SETD2: variants seen among roughly 807,000 people sequenced by gnomAD.
The protein encoded by SETD2 is SET domain containing 2, histone lysine methyltransferase, also known as histone-lysine N-methyltransferase SETD2.
SETD2 carries 31 observed loss-of-function variants against 242.1 expected under a neutral mutation model. The ratio of observed to expected loss-of-function variants is 0.13; its 90% CI spans 0.10 to 0.17. The LOEUF (loss-of-function observed/expected upper bound fraction) is 0.17. Ranked by LOEUF, SETD2 falls within the 10% of genes least tolerant of loss-of-function variation. The probability of loss-of-function intolerance (pLI) is 1.00; values close to 1 mark genes in which losing one functional copy is unlikely to be tolerated. For synonymous variants in SETD2, 1,006 were observed against 1,066.5 expected (o/e 0.94, Z 1.11); for missense variants, 2,481 against 3,046.3 (o/e 0.81, Z 4.37).
At chr3:47,151,609 C>A (rs939262176) in intron 1 of SETD2, among the ~76,000 whole-genome samples, 6 of 152,040 alleles carry the variant, frequency 3.9e-5, no homozygotes, top group African/African-American at 1.4e-4. Context: ...GGGTGGATCA[C>A]CTGAGATCGG....
At chr3:47,113,047 TTATC>T (rs975514448) in intron 5 of SETD2, among the ~76,000 whole-genome samples, 5 of 152,238 alleles carry the variant, frequency 3.3e-5, no homozygotes, top group Admixed American at 3.3e-4. Context: ...TGTTTAATGA[TTATC>T]TATCAAGTAT....
chr3:47,164,796 C>T (rs929381361), upstream of SETD2, among the ~76,000 whole-genome samples: 12 of 152,352 alleles, frequency 7.9e-5, 1 homozygote, highest in African/African-American at 2.9e-4. This position sits in a 1 kb window ranked among gnomAD's most constrained non-coding sequence, Gnocchi z 5.4. Flanking sequence ...CTCGGGGCTC[C>T]TACCTCCACC....
rs1460439891 is a variant in SETD2, at chr3:47,097,855, C to G, written c.5142+100G>C. ...TAACAACTCATCTGATCTTGGATTTCTCTGGTGGCAGTAGTATGACTTTAT... is the reference window on the plus strand; with the variant it reads ...TAACAACTCATCTGATCTTGGATTTGTCTGGTGGCAGTAGTATGACTTTAT... On this transcript the variant is annotated intron_variant, in intron 9 of 20. Transcript: ENST00000409792. 1.1e-5 allele frequency: 12 copies of G among 1,141,202 alleles called. No individual in the cohort carries two copies. The Admixed American group carries it at 1.1e-4, about 10-fold the overall frequency. The allele number at this position is 1,141,202 out of a possible 1,614,324, so 70.7% of individuals were successfully genotyped here.
intron 15 of SETD2, among the ~76,000 whole-genome samples, chr3:47,050,583 G>T (rs2039780357): frequency 6.6e-6 from 1 of 151,952 alleles, no homozygotes; most frequent in Non-Finnish European, 1.5e-5. Flanking sequence ...GAATATTTTG[G>T]ATTTTGACTT....
upstream of SETD2, chr3:47,164,379 C>T (rs908734173): frequency 1.3e-5 from 2 of 155,014 alleles, no homozygotes; most frequent in African/African-American, 4.8e-5. This position sits in a 1 kb window ranked among gnomAD's most constrained non-coding sequence, Gnocchi z 5.4. Flanking sequence ...GGCACCGCGA[C>T]CCCTCCCGCA....
At chr3:47,077,007 G>A (rs2041108234) in intron 12 of SETD2, among the ~76,000 whole-genome samples, 1 of 152,208 alleles carries the variant, frequency 6.6e-6, no homozygotes, top group African/African-American at 2.4e-5. Flanking sequence ...AAGAATGAGA[G>A]CAAGAAGGAT....
intron 15 of SETD2, among the ~76,000 whole-genome samples, chr3:47,054,041 C>T (rs2107567870): frequency 2.0e-5 from 3 of 152,278 alleles, no homozygotes; most frequent in Middle Eastern, 6.8e-3. Context: ...ACTCAAAACA[C>T]ATACTAACAA....
intron 17 of SETD2, 135 bp from the exon 18 acceptor site, chr3:47,037,912 C>A: frequency 1.6e-6 from 1 of 630,456 alleles, no homozygotes; most frequent in Non-Finnish European, 2.9e-6. Context: ...GAGTTAAAGA[C>A]AAACTTTTTC....
chr3:47,050,383 A>G (rs2039772871), intron 15 of SETD2, among the ~76,000 whole-genome samples: 1 of 152,170 alleles, frequency 6.6e-6, no homozygotes, highest in Non-Finnish European at 1.5e-5. Flanking sequence ...TCACCTCCAT[A>G]ATAATCTTAC....
chr3:47,084,397 A>G lies in SETD2; in HGVS notation c.5398-15T>C, dbSNP rs751364232. On this transcript the variant is annotated splice_polypyrimidine_tract_variant and intron_variant, in intron 11 of 20. Coordinates refer to ENST00000409792, the MANE Select transcript of SETD2 (RefSeq NM_014159.7). ...GTCTTTATAATCTGATTAAACATAA[A>G]AAAAAATTACATCACTTTGTACAGT... The G allele has an allele frequency of 3.2e-6, 5 of 1,566,324 alleles. No individual in the cohort carries two copies. Among genetic ancestry groups the G allele is most frequent in the Non-Finnish European group, 4.3e-6 (5 of 1,152,968 alleles).
intron 1 of SETD2, among the ~76,000 whole-genome samples, chr3:47,136,823 G>A (rs2043598744): frequency 6.6e-6 from 1 of 152,076 alleles, no homozygotes; most frequent in Non-Finnish European, 1.5e-5. Flanking sequence ...GCATGATAGC[G>A]GGTGCCTGTA....
In SETD2 at chr3:47,106,120, C is replaced by T. The variant is rs762671639; in HGVS notation, c.4716G>A (p.Ser1572=). ...CACAATATTCTAGGACAAAGGTGTT[C>T]CTGCAAACCAAAAGGAAAAAAATAG... The part of the protein sequence containing the change: ...WGLRAAKDLP[S]NTFVLEYCGE... The change falls in exon 6 of 21, where the codon TCG becomes TCA. Residue 1572 remains serine, a splice_region_variant and synonymous_variant. Coordinates refer to ENST00000409792, the MANE Select transcript of SETD2 (RefSeq NM_014159.7). The T allele has an allele frequency of 6.5e-5, 105 of 1,609,450 alleles. No individual in the cohort carries two copies. Among genetic ancestry groups the T allele is most frequent in the Non-Finnish European group, 8.8e-5 (104 of 1,177,148 alleles).
Position 47,121,027 on chromosome 3 carries a change from T to C in SETD2, c.3609A>G (p.Pro1203=), listed in dbSNP as rs1298172077. The C allele has an allele frequency of 1.2e-6, 2 of 1,614,174 alleles. No homozygotes were observed. The highest frequency in any genetic ancestry group is 2.2e-5 in the East Asian group (1 of 44,886). ...KIPSRQQEEL[P]IYSSDFEDVP... ...CATCTTCAAAATCAGAAGAATAAAT[T>C]GGCAGCTCTTCTTGCTGCCTAGAAG... The change falls in exon 3 of 21, where the codon CCA becomes CCG. Residue 1203 remains proline, a synonymous_variant. Coordinates refer to ENST00000409792, the MANE Select transcript of SETD2 (RefSeq NM_014159.7).
At chr3:47,159,259 C>T (rs1415965436) in intron 1 of SETD2, among the ~76,000 whole-genome samples, 1 of 152,202 alleles carries the variant, frequency 6.6e-6, no homozygotes, top group Non-Finnish European at 1.5e-5. Flanking sequence ...GAACTTCAGA[C>T]TTGGTTATCA....
chr3:47,112,576 C>G (rs1318552998), intron 5 of SETD2, among the ~76,000 whole-genome samples: 1 of 151,450 alleles, frequency 6.6e-6, no homozygotes, highest in Admixed American at 6.6e-5. Flanking sequence ...ACCACCACGT[C>G]CAGCGTAATT....
chr3:47,050,642 G>C (rs1451775794), intron 15 of SETD2, among the ~76,000 whole-genome samples: 1 of 143,244 alleles, frequency 7.0e-6, no homozygotes, highest in Non-Finnish European at 1.5e-5. Context: ...TCCCAAATCT[G>C]AAAAAAATCC....
intron 18 of SETD2, among the ~76,000 whole-genome samples, chr3:47,025,026 C>T (rs2038409589): frequency 6.6e-6 from 1 of 152,216 alleles, no homozygotes; most frequent in African/African-American, 2.4e-5. Context: ...AAAGAATTAT[C>T]TGACCATTAT....
At chr3:47,019,904 G>T in intron 18 of SETD2, 64 bp from the exon 19 acceptor site, 2 of 1,336,708 alleles carry the variant, frequency 1.5e-6, no homozygotes, top group Non-Finnish European at 2.2e-6. Context: ...ATGCCCTACT[G>T]TCCCAGAACC....
chr3:47,019,508 C>T (rs1238386434), intron 19 of SETD2, among the ~76,000 whole-genome samples: 1 of 152,146 alleles, frequency 6.6e-6, no homozygotes, highest in African/African-American at 2.4e-5. Flanking sequence ...TTTCTTTTGC[C>T]ATAGATGCTA....
Sources: allele counts gnomAD v4.1 joint callset (sites outside exome capture counted in the v4.1 genomes callset), GRCh38; gene constraint gnomAD v4.1.1; non-coding constraint Gnocchi (gnomAD v3.1); transcripts MANE v1.5; gene names NCBI Gene and HGNC (gene_info 2026-07-23, HGNC 2026-07-21).